Variants in RNF152 observed in about 807,000 individuals in gnomAD.
The protein encoded by RNF152 is E3 ubiquitin-protein ligase RNF152.
A neutral mutation model predicts 12.7 loss-of-function variants in RNF152; 11 were observed. The observed-to-expected ratio is 0.86, with a 90% confidence interval of 0.54 to 1.43. RNF152 has a LOEUF of 1.43. Among genes scored for constraint, RNF152 ranks in the 40% most tolerant of loss-of-function variants. RNF152 has a pLI of 0.00. For missense variants in RNF152, 255 were observed against 274.8 expected, an observed-to-expected ratio of 0.93 and a Z score of 0.51; for synonymous variants, 113 against 120.3, an observed-to-expected ratio of 0.94 and a Z score of 0.40.
intron 1 of RNF152, among the ~76,000 whole-genome samples, chr18:61,862,901 C>A (rs758862741): frequency 4.6e-5 from 7 of 152,086 alleles, no homozygotes; most frequent in Admixed American, 3.9e-4. Context: ...TCAGTGGGCT[C>A]TGACATTATC....
At chr18:61,883,101 G>T (rs933463147) in intron 1 of RNF152, among the ~76,000 whole-genome samples, 2 of 152,210 alleles carry the variant, frequency 1.3e-5, no homozygotes, top group Non-Finnish European at 2.9e-5. Context: ...GAAGGGCCCA[G>T]AAGAGTGAGG....
At chr18:61,837,628 C>T (rs757584011) in intron 1 of RNF152, among the ~76,000 whole-genome samples, 4 of 152,090 alleles carry the variant, frequency 2.6e-5, no homozygotes, top group Non-Finnish European at 5.9e-5. Flanking sequence ...TACAGATCTC[C>T]ATTCCACTTG....
chr18:61,894,043 A>T (rs1913100781), upstream of RNF152: 3 of 150,296 alleles, frequency 2.0e-5, no homozygotes, highest in Non-Finnish European at 4.4e-5. This position sits in a 1 kb window ranked among gnomAD's most constrained non-coding sequence, Gnocchi z 4.9. Flanking sequence ...TCCCGCTTCC[A>T]CGGCTTCGGC....
At position 61,879,274 on chromosome 18, in the gene RNF152, T is replaced by G. The variant is rs115433550; in HGVS notation, c.-136+13521A>C. ...CATTTATATTGTGTTTACATTTACA[T>G]CATGTTTACATTACATTTGCATAGC... On this transcript the variant is annotated intron_variant, in intron 1 of 1. Coordinates refer to ENST00000312828, the MANE Select transcript of RNF152 (RefSeq NM_173557.3). Among the ~76,000 whole-genome samples, 1,134 of 152,224 alleles carry G rather than the reference T, an allele frequency of 7.4e-3. 16 individuals are homozygous for G. The highest frequency in any genetic ancestry group is 0.026 in the African/African-American group (1,097 of 41,586).
chr18:61,838,766 A>G (rs1910303131), intron 1 of RNF152, among the ~76,000 whole-genome samples: 1 of 151,950 alleles, frequency 6.6e-6, no homozygotes, highest in Admixed American at 6.6e-5. Flanking sequence ...CCCAGCTTTC[A>G]CCTCCACGTT....
At chr18:61,886,986 T>C (rs989321305) in intron 1 of RNF152, among the ~76,000 whole-genome samples, 5 of 152,142 alleles carry the variant, frequency 3.3e-5, no homozygotes, top group Admixed American at 6.5e-5. Flanking sequence ...GCTTCGATGA[T>C]AGGATAGAGG....
chr18:61,862,723 A>G (rs1176443571), intron 1 of RNF152, among the ~76,000 whole-genome samples: 3 of 152,170 alleles, frequency 2.0e-5, no homozygotes, highest in Non-Finnish European at 2.9e-5. Context: ...ACCAGTAAAC[A>G]TAAGTAGGGG....
intron 1 of RNF152, among the ~76,000 whole-genome samples, chr18:61,845,301 G>GTA (rs1173677568): frequency 6.6e-6 from 1 of 152,220 alleles, no homozygotes; most frequent in East Asian, 1.9e-4. Flanking sequence ...GCTGTGCTGT[G>GTA]TAAGAAGAGC....
chr18:61,815,848 C>G lies in RNF152; in HGVS notation c.*4G>C. On this transcript the variant is annotated 3_prime_UTR_variant, in exon 2 of 2. Coordinates refer to ENST00000312828, the MANE Select transcript of RNF152 (RefSeq NM_173557.3). ...ACCCACAAGAGACTTCCCTGCAGCC[C>G]TCTTCAGCCACAGGATATCACAGTG... 1 of 1,611,482 alleles carries G rather than the reference C, an allele frequency of 6.2e-7. No homozygotes were observed. The highest frequency in any genetic ancestry group is 8.5e-7 in the Non-Finnish European group (1 of 1,177,764).
chr18:61,847,142 C>A (rs1243397375), intron 1 of RNF152, among the ~76,000 whole-genome samples: 1 of 151,392 alleles, frequency 6.6e-6, no homozygotes, highest in Non-Finnish European at 1.5e-5. Context: ...GACATTGCCA[C>A]CAAGAAAACA....
rs1323608941 is a variant in RNF152, at chr18:61,812,037, G to T, written c.*3815C>A. 1 of 152,052 alleles carries T rather than the reference G, an allele frequency of 6.6e-6. No homozygotes were observed. Among genetic ancestry groups the T allele is most frequent in the Non-Finnish European group, 1.5e-5 (1 of 68,026 alleles). 9.4% of individuals were successfully genotyped at this position (152,052 alleles called of 1,614,324 possible). A position where few individuals can be genotyped will look rare whatever the true frequency, so the allele number is the denominator to read the frequency against. On this transcript the variant is annotated 3_prime_UTR_variant, in exon 2 of 2. Transcript: ENST00000312828. ...TTTTAAGCCCAGAAAGGAATGTTTTGCCTTTTGCCAACTGCATGTCACTAG... is the reference window on the plus strand; with the variant it reads ...TTTTAAGCCCAGAAAGGAATGTTTTTCCTTTTGCCAACTGCATGTCACTAG...
intron 1 of RNF152, among the ~76,000 whole-genome samples, chr18:61,861,921 C>A (rs1191608181): frequency 6.6e-6 from 1 of 152,176 alleles, no homozygotes; most frequent in Non-Finnish European, 1.5e-5. Context: ...TAGGCCCCGA[C>A]CTCCAACATT....
At chr18:61,829,202 G>A in intron 1 of RNF152, among the ~76,000 whole-genome samples, 1 of 152,138 alleles carries the variant, frequency 6.6e-6, no homozygotes. Context: ...TCTTCTCCTA[G>A]CGAATATCAC....
chr18:61,856,255 T>G (rs1911222538), intron 1 of RNF152, among the ~76,000 whole-genome samples: 1 of 152,196 alleles, frequency 6.6e-6, no homozygotes, highest in Non-Finnish European at 1.5e-5. Flanking sequence ...TCTTGAAAAC[T>G]AAATGCTGGA....
intron 1 of RNF152, among the ~76,000 whole-genome samples, chr18:61,889,784 C>T (rs1185605440): frequency 5.3e-5 from 8 of 152,162 alleles, no homozygotes; most frequent in Admixed American, 3.9e-4. Flanking sequence ...TCCTGGGTGG[C>T]CCTAGGCCCA....
intron 1 of RNF152, among the ~76,000 whole-genome samples, chr18:61,841,173 A>C (rs1007557072): frequency 4.6e-5 from 7 of 152,308 alleles, no homozygotes; most frequent in Middle Eastern, 6.8e-3. Flanking sequence ...TACATGATAG[A>C]AGTTTAATAA....
chr18:61,884,301 C>T (rs909783395), intron 1 of RNF152, among the ~76,000 whole-genome samples: 2 of 152,070 alleles, frequency 1.3e-5, no homozygotes, highest in Non-Finnish European at 2.9e-5. Flanking sequence ...AAACCCAAAC[C>T]CATCTTACTT....
chr18:61,872,772 T>C (rs1295366653), intron 1 of RNF152, among the ~76,000 whole-genome samples: 1 of 152,212 alleles, frequency 6.6e-6, no homozygotes, highest in African/African-American at 2.4e-5. Flanking sequence ...GATGAATTTC[T>C]GGTATAGAAA....
chr18:61,833,076 T>A (rs4941067), intron 1 of RNF152, among the ~76,000 whole-genome samples: 1 of 151,910 alleles, frequency 6.6e-6, no homozygotes, highest in South Asian at 2.1e-4. Flanking sequence ...ATTCCTCAGC[T>A]GTATCTACTA....
Sources: gnomAD v4.1 joint callset for allele counts (sites outside exome capture counted in the v4.1 genomes callset) on GRCh38, gnomAD v4.1.1 for gene constraint, Gnocchi (gnomAD v3.1) non-coding constraint, MANE v1.5 for transcripts, NCBI Gene and HGNC (gene_info 2026-07-23, HGNC 2026-07-21) for gene names.